Variants in DNAJB2 observed in about 807,000 individuals in gnomAD.
The protein encoded by DNAJB2 is DnaJ heat shock protein family (Hsp40) member B2.
A neutral mutation model predicts 33.3 loss-of-function variants in DNAJB2; 19 were observed. That is an observed-to-expected ratio of 0.57 (90% CI 0.40 to 0.84). The LOEUF (loss-of-function observed/expected upper bound fraction) is 0.84. Ranked by LOEUF, DNAJB2 falls within the 40% of genes least tolerant of loss-of-function variation. The probability of loss-of-function intolerance (pLI) is 0.00; values close to 1 mark genes in which losing one functional copy is unlikely to be tolerated. For synonymous variants in DNAJB2, 172 were observed against 164.6 expected (o/e 1.04, Z -0.34); for missense variants, 368 against 430.9 (o/e 0.85, Z 1.29).
rs141066032 is a variant in DNAJB2, at chr2:219,283,604, A to T, written c.619+115A>T. On this transcript the variant is annotated intron_variant, in intron 8 of 8. Transcript: ENST00000336576. ...CACTTAGGGCTTGGGAGGGAGTGGC[A>T]ACAGGCCAGACTGGTAGGATCAGAG... 3.5e-4 allele frequency: 368 copies of T among 1,058,490 alleles called. No individual in the cohort carries two copies. In the African/African-American group the frequency reaches 4.8e-3, roughly 14 times the overall value. 65.6% of individuals were successfully genotyped at this position (1,058,490 alleles called of 1,614,324 possible). A position where few individuals can be genotyped will look rare whatever the true frequency, so the allele number is the denominator to read the frequency against.
rs1271835779 is a variant in DNAJB2 at position 219,286,237 on chromosome 2, T to A, written c.*1250T>A. On this transcript the variant is annotated 3_prime_UTR_variant, in exon 9 of 9. Coordinates refer to ENST00000336576, the MANE Select transcript of DNAJB2 (RefSeq NM_006736.6). ...ATCCCAGAGTGCGGTGTGCCCGGCC[T>A]CATTTCTGATAGATCCCGCTTGGGG... 1 of 521,914 alleles carries A rather than the reference T, an allele frequency of 1.9e-6. No homozygotes were observed. The highest frequency in any genetic ancestry group is 3.4e-6 in the Non-Finnish European group (1 of 293,808). The allele number at this position is 521,914 out of a possible 1,614,324, so 32.3% of individuals were successfully genotyped here.
rs1313773943 is a variant in DNAJB2, at chr2:219,284,932, C to T, written c.920C>T (p.Ala307Val). ...ACCCAGGAGGGTGCGAGGGGTGAAG[C>T]AACCAAACGCAGTCCATCCCCAGAG... ...GGTQEGARGEATKRSPSPEEK... is the reference protein window; with the variant it reads ...GGTQEGARGEVTKRSPSPEEK... Residue 307 changes from alanine to valine, a missense_variant, in exon 9 of 9, where the codon GCA becomes GTA. Ala to Val is a moderately conservative substitution (Grantham distance 64). Coordinates refer to ENST00000336576, the MANE Select transcript of DNAJB2 (RefSeq NM_006736.6). 1.9e-6 allele frequency: 3 copies of T among 1,568,062 alleles called. No homozygotes were observed. The highest frequency in any genetic ancestry group is 1.7e-4 in the Middle Eastern group (1 of 5,892).
At chr2:219,282,480 T>G in intron 5 of DNAJB2, 2 of 352,866 alleles carry the variant, frequency 5.7e-6, no homozygotes, top group Non-Finnish European at 1.0e-5. Context: ...CATTTGCAGA[T>G]GAGAAAACTG....
At position 219,282,196 on chromosome 2, in the gene DNAJB2, G is replaced by T. The variant is rs777846439; in HGVS notation, c.352+135G>T. The T allele has an allele frequency of 6.8e-6, 10 of 1,472,162 alleles. No individual in the cohort carries two copies. In the Admixed American group the frequency reaches 7.3e-5, roughly 11 times the overall value. 91.2% of individuals were successfully genotyped at this position (1,472,162 alleles called of 1,614,324 possible). On this transcript the variant is annotated intron_variant, in intron 5 of 8. Transcript: ENST00000336576. Reference sequence around the variant, plus strand: ...CGGACAGAAGATTTTGTGGAGCTGGGTCCAGTGAGAGCCGGGACAGAACCT... The same window carrying T: ...CGGACAGAAGATTTTGTGGAGCTGGTTCCAGTGAGAGCCGGGACAGAACCT...
chr2:219,286,102 T>G lies in DNAJB2; in HGVS notation c.*1115T>G. Reference sequence around the variant, plus strand: ...ATTTCTCCCCCTCACCCATGCTGAGTGTAGAGCCGGGGCCTGGGTGGCGGG... The same window carrying G: ...ATTTCTCCCCCTCACCCATGCTGAGGGTAGAGCCGGGGCCTGGGTGGCGGG... On this transcript the variant is annotated 3_prime_UTR_variant, in exon 9 of 9. Transcript: ENST00000336576. The G allele has an allele frequency of 8.4e-7, 1 of 1,191,100 alleles. No individual in the cohort carries two copies. The highest frequency in any genetic ancestry group is 1.1e-6 in the Non-Finnish European group (1 of 902,128). 73.8% of individuals were successfully genotyped at this position (1,191,100 alleles called of 1,614,324 possible).
chr2:219,282,910 C>T lies in DNAJB2; in HGVS notation c.426C>T (p.Ser142=), dbSNP rs1235987345. 1.9e-6 allele frequency: 3 copies of T among 1,604,870 alleles called. No individual in the cohort carries two copies. Among genetic ancestry groups the T allele is most frequent in the South Asian group, 2.2e-5 (2 of 89,550 alleles). ...CAGGCCCCTTCTTTACCTTCTCTTC[C>T]TCCTTCCCTGGGCACTCCGGTAAGT... ...RHSGPFFTFS[S]SFPGHSDFSS... The change falls in exon 6 of 9, where the codon TCC becomes TCT. Residue 142 remains serine (S), a synonymous_variant. Coordinates refer to ENST00000336576, the MANE Select transcript of DNAJB2 (RefSeq NM_006736.6).
At position 219,279,996 on chromosome 2, in the gene DNAJB2, G is replaced by A; in HGVS notation, c.65+98G>A. Reference sequence around the variant, plus strand: ...CACCTGTAGGTGTCTGAGGGAACCAGGTCGTTAGAAAGCACTGGGGTGCTT... The same window carrying A: ...CACCTGTAGGTGTCTGAGGGAACCAAGTCGTTAGAAAGCACTGGGGTGCTT... On this transcript the variant is annotated intron_variant, in intron 2 of 8. Transcript: ENST00000336576. This position sits in a 1 kb window ranked among gnomAD's most constrained non-coding sequence, Gnocchi z 4.9. 1 of 1,410,826 alleles carries A rather than the reference G, an allele frequency of 7.1e-7. No individual in the cohort carries two copies. The highest frequency in any genetic ancestry group is 1.2e-5 in the South Asian group (1 of 83,680). 87.4% of individuals were successfully genotyped at this position (1,410,826 alleles called of 1,614,324 possible). A position where few individuals can be genotyped will look rare whatever the true frequency, so the allele number is the denominator to read the frequency against.
rs866357496 is a variant in DNAJB2, at chr2:219,285,201, G to T, written c.*214G>T. On this transcript the variant is annotated 3_prime_UTR_variant, in exon 9 of 9. Coordinates refer to ENST00000336576, the MANE Select transcript of DNAJB2 (RefSeq NM_006736.6). ...ATAGGTCCCTGGTGAAGCCCAGGGTGGGGGGTGTCAGGGCAGTGGAGGGGC... is the reference window on the plus strand; with the variant it reads ...ATAGGTCCCTGGTGAAGCCCAGGGTTGGGGGTGTCAGGGCAGTGGAGGGGC... The T allele has an allele frequency of 3.6e-4, 455 of 1,248,138 alleles. 1 individual carries two copies. The highest frequency in any genetic ancestry group is 3.1e-4 in the Middle Eastern group (1 of 3,242). 77.3% of individuals were successfully genotyped at this position (1,248,138 alleles called of 1,614,324 possible). A position where few individuals can be genotyped will look rare whatever the true frequency, so the allele number is the denominator to read the frequency against.
chr2:219,281,646 C>G, intron 3 of DNAJB2, 72 bp from the exon 4 acceptor site: 1 of 1,599,946 alleles, frequency 6.3e-7, no homozygotes, highest in Non-Finnish European at 8.6e-7. Context: ...CTGGACAATC[C>G]TTTGAACGTC....
At position 219,279,855 on chromosome 2, in the gene DNAJB2, C is replaced by T. The variant is rs762126049; in HGVS notation, c.22C>T (p.Leu8=). 6.2e-7 allele frequency: 1 copy of T among 1,614,074 alleles called. No homozygotes were observed. The change falls in exon 2 of 9, where the codon CTA becomes TTA. Residue 8 remains leucine, a synonymous_variant. Transcript: ENST00000336576. The surrounding 1 kb of genome is among the most constrained non-coding windows in gnomAD (Gnocchi z 4.9). MASYYEI[L]DVPRSASADD... ...TGCCATGGCATCCTACTACGAGATC[C>T]TAGACGTGCCGCGAAGTGCGTCCGC... is the stretch of plus-strand genomic sequence containing the variant.
intron 3 of DNAJB2, 87 bp from the exon 4 acceptor site, chr2:219,281,631 A>C (rs1951904659): frequency 6.4e-7 from 1 of 1,563,968 alleles, no homozygotes; most frequent in Non-Finnish European, 8.8e-7. Flanking sequence ...TCAGAGTGTC[A>C]GTCTCTGGAC....
In DNAJB2 at chr2:219,286,254, C is replaced by T. The variant is rs6728933; in HGVS notation, c.*1267C>T. Reference sequence around the variant, plus strand: ...GCCCGGCCTCATTTCTGATAGATCCCGCTTGGGGGAGGTGGTGTATGGTTA... The same window carrying T: ...GCCCGGCCTCATTTCTGATAGATCCTGCTTGGGGGAGGTGGTGTATGGTTA... On this transcript the variant is annotated 3_prime_UTR_variant, in exon 9 of 9. Coordinates refer to ENST00000336576, the MANE Select transcript of DNAJB2 (RefSeq NM_006736.6). The T allele has an allele frequency of 0.015, 7,529 of 497,164 alleles. 453 individuals carry two copies. Among genetic ancestry groups the T allele is most frequent in the African/African-American group, 0.13 (6,601 of 52,500 alleles). 30.8% of individuals were successfully genotyped at this position (497,164 alleles called of 1,614,324 possible). A position where few individuals can be genotyped will look rare whatever the true frequency, so the allele number is the denominator to read the frequency against.
At chr2:219,282,087 A>G in intron 5 of DNAJB2, 26 bp downstream of exon 5, 12 of 1,613,938 alleles carry the variant, frequency 7.4e-6, no homozygotes, top group Non-Finnish European at 1.0e-5. Flanking sequence ...AAGCCTCTGA[A>G]TGGCTCAACT....
chr2:219,283,691 G>A (rs1468916455), intron 8 of DNAJB2, among the ~76,000 whole-genome samples: 1 of 152,174 alleles, frequency 6.6e-6, no homozygotes, highest in Non-Finnish European at 1.5e-5. Flanking sequence ...CTGTGAGTGG[G>A]GTGCCTTACA....
chr2:219,284,169 TCC>T (rs1951932810), intron 8 of DNAJB2, among the ~76,000 whole-genome samples: 2 of 152,152 alleles, frequency 1.3e-5, no homozygotes, highest in African/African-American at 4.8e-5. Flanking sequence ...AGCCTCGACC[TCC>T]TCGGCTCAAG....
At chr2:219,284,594 C>G in intron 8 of DNAJB2, 38 bp from the exon 9 acceptor site, 1 of 1,545,274 alleles carries the variant, frequency 6.5e-7, no homozygotes, top group Non-Finnish European at 8.8e-7. Flanking sequence ...ATACCCCTGG[C>G]TCAGGTTGGG....
rs1574903228 is a variant in DNAJB2, at chr2:219,286,210, A to C, written c.*1223A>C. On this transcript the variant is annotated 3_prime_UTR_variant, in exon 9 of 9. Coordinates refer to ENST00000336576, the MANE Select transcript of DNAJB2 (RefSeq NM_006736.6). The stretch of plus-strand genomic sequence containing the variant: ...TTTGGTGCTGGCTCCTGGGGACTAC[A>C]AATCCCAGAGTGCGGTGTGCCCGGC... 1 of 587,750 alleles carries C rather than the reference A, an allele frequency of 1.7e-6. No homozygotes were observed. Among genetic ancestry groups the C allele is most frequent in the Non-Finnish European group, 2.9e-6 (1 of 346,288 alleles). The allele number at this position is 587,750 out of a possible 1,614,324, so 36.4% of individuals were successfully genotyped here. A position where few individuals can be genotyped will look rare whatever the true frequency, so the allele number is the denominator to read the frequency against.
At chr2:219,284,594 C>T (rs773092042) in intron 8 of DNAJB2, 38 bp from the exon 9 acceptor site, 2 of 1,545,274 alleles carry the variant, frequency 1.3e-6, no homozygotes, top group South Asian at 2.4e-5. Context: ...ATACCCCTGG[C>T]TCAGGTTGGG....
At chr2:219,283,538 A>G (rs199574391) in intron 8 of DNAJB2, 49 bp downstream of exon 8, 1 of 1,570,000 alleles carries the variant, frequency 6.4e-7, no homozygotes, top group Non-Finnish European at 8.7e-7. Context: ...CCCCAGCCCC[A>G]ACCTCAGCAG....
Sources: allele counts gnomAD v4.1 joint callset (sites outside exome capture counted in the v4.1 genomes callset), GRCh38; gene constraint gnomAD v4.1.1; non-coding constraint Gnocchi (gnomAD v3.1); transcripts MANE v1.5; gene names NCBI Gene and HGNC (gene_info 2026-07-23, HGNC 2026-07-21).